Variants in HYCC2 observed in about 807,000 individuals in gnomAD.
The protein encoded by HYCC2 is hyccin PI4KA lipid kinase complex subunit 2.
the HYCC2 span, among the ~76,000 whole-genome samples, chr2:201,049,151 A>G: frequency 6.6e-6 from 1 of 151,806 alleles, no homozygotes; most frequent in Admixed American, 6.6e-5. Flanking sequence ...AAACAAAAAC[A>G]TAAAGCAAAA....
the HYCC2 span, chr2:200,988,224 T>A: frequency 6.5e-7 from 1 of 1,536,928 alleles, no homozygotes; most frequent in Non-Finnish European, 8.8e-7. Context: ...ATAAATTTAC[T>A]TGACTCCATG....
chr2:201,013,872 T>C, the HYCC2 span, among the ~76,000 whole-genome samples: 1 of 152,166 alleles, frequency 6.6e-6, no homozygotes, highest in Admixed American at 6.5e-5. Flanking sequence ...AAGAGAAATA[T>C]ACAACTCCCC....
chr2:200,978,089 T>C, the HYCC2 span: 2 of 152,198 alleles, frequency 1.3e-5, no homozygotes, highest in Non-Finnish European at 2.9e-5. Context: ...TAACAAAAGC[T>C]TGTTAAAAAA....
the HYCC2 span, chr2:201,063,286 G>A: frequency 1.3e-6 from 2 of 1,543,660 alleles, no homozygotes; most frequent in East Asian, 4.5e-5. Flanking sequence ...CCACTGTGAA[G>A]GAGGTGGAGG....
At chr2:201,034,136 A>G in the HYCC2 span, among the ~76,000 whole-genome samples, 1 of 151,800 alleles carries the variant, frequency 6.6e-6, no homozygotes, top group Non-Finnish European at 1.5e-5. Flanking sequence ...ATAGAGAAAT[A>G]TAGTGGTATT....
the HYCC2 span, among the ~76,000 whole-genome samples, chr2:201,008,530 T>G: frequency 7.9e-5 from 12 of 152,050 alleles, no homozygotes; most frequent in African/African-American, 2.7e-4. Flanking sequence ...GAATCTAAGG[T>G]GGGAGGATCA....
At chr2:200,995,482 G>C in the HYCC2 span, among the ~76,000 whole-genome samples, 1 of 152,192 alleles carries the variant, frequency 6.6e-6, no homozygotes, top group African/African-American at 2.4e-5. Context: ...ATGATTATGT[G>C]TACGTGAGTA....
the HYCC2 span, chr2:201,022,046 A>G: frequency 2.3e-6 from 3 of 1,286,400 alleles, no homozygotes; most frequent in Admixed American, 2.3e-5. Context: ...GCTGCTGGTT[A>G]GGAGAGGATT....
At chr2:200,982,517 C>T in the HYCC2 span, among the ~76,000 whole-genome samples, 1 of 152,094 alleles carries the variant, frequency 6.6e-6, no homozygotes, top group Non-Finnish European at 1.5e-5. Context: ...ATGGCCTTTT[C>T]TACTCACTGG....
At chr2:201,001,834 G>T in the HYCC2 span, among the ~76,000 whole-genome samples, 2 of 151,950 alleles carry the variant, frequency 1.3e-5, 1 homozygote, top group Admixed American at 1.3e-4. Context: ...ACCACACCCG[G>T]CTAATTTTTG....
At chr2:201,010,962 T>C in the HYCC2 span, among the ~76,000 whole-genome samples, 1 of 151,804 alleles carries the variant, frequency 6.6e-6, no homozygotes, top group Non-Finnish European at 1.5e-5. Context: ...CTGGCCAACA[T>C]GGTGAAACCC....
At chr2:201,013,985 C>T in the HYCC2 span, among the ~76,000 whole-genome samples, 1 of 152,218 alleles carries the variant, frequency 6.6e-6, no homozygotes. Context: ...CTGAGAACCA[C>T]AGAAAAGGAA....
the HYCC2 span, among the ~76,000 whole-genome samples, chr2:201,007,463 T>C: frequency 1.6e-3 from 249 of 152,326 alleles, 1 homozygote; most frequent in Non-Finnish European, 2.9e-3. Context: ...AAGGTTTACA[T>C]AGGTACTTGA....
chr2:200,980,330 A>C, the HYCC2 span: 1 of 152,530 alleles, frequency 6.6e-6, no homozygotes, highest in Non-Finnish European at 1.5e-5. Flanking sequence ...AAGGAAAAGA[A>C]GAAAAAAAAA....
the HYCC2 span, among the ~76,000 whole-genome samples, chr2:201,058,260 G>A: frequency 1.3e-5 from 2 of 151,916 alleles, no homozygotes; most frequent in South Asian, 4.2e-4. Flanking sequence ...AGACCCCCAG[G>A]GATCTATAAT....
At chr2:201,023,977 T>C in the HYCC2 span, 6 of 1,613,246 alleles carry the variant, frequency 3.7e-6, no homozygotes, top group Non-Finnish European at 5.1e-6. Context: ...CTGATAACCA[T>C]TCTTCCACAA....
the HYCC2 span, chr2:200,981,205 G>C: frequency 6.5e-7 from 1 of 1,541,860 alleles, no homozygotes; most frequent in Non-Finnish European, 8.8e-7. This position sits in a 1 kb window ranked among gnomAD's most constrained non-coding sequence, Gnocchi z 4.5. Context: ...GGGATGAAGT[G>C]TCTTCTTGCA....
At chr2:201,003,592 C>A in the HYCC2 span, among the ~76,000 whole-genome samples, 3 of 151,544 alleles carry the variant, frequency 2.0e-5, no homozygotes, top group Admixed American at 2.0e-4. Context: ...GCCTGTAATC[C>A]CAGCTACTCA....
chr2:201,060,059 G>GC, the HYCC2 span, among the ~76,000 whole-genome samples: 2 of 145,478 alleles, frequency 1.4e-5, no homozygotes, highest in Non-Finnish European at 3.0e-5. Flanking sequence ...AAAAGCGGGG[G>GC]GGGGGGGGTT....
Sources: allele counts gnomAD v4.1 joint callset (sites outside exome capture counted in the v4.1 genomes callset), GRCh38; gene constraint gnomAD v4.1.1; non-coding constraint Gnocchi (gnomAD v3.1); transcripts MANE v1.5; gene names NCBI Gene and HGNC (gene_info 2026-07-23, HGNC 2026-07-21).